Variants in PHLDA1 observed in about 807,000 individuals in gnomAD.
PHLDA1 encodes pleckstrin homology like domain family A member 1.
In PHLDA1, 28 loss-of-function variants were observed where a neutral mutation model predicts 33.8. The observed-to-expected ratio is 0.83, with a 90% confidence interval of 0.61 to 1.14. The LOEUF (loss-of-function observed/expected upper bound fraction) is 1.14, where lower values mean the gene tolerates loss of function less well. Among genes scored for constraint, PHLDA1 ranks in the 50% most tolerant of loss-of-function variants. The pLI is 0.00. For missense variants in PHLDA1, 595 were observed against 548.6 expected, an observed-to-expected ratio of 1.08 and a Z score of -0.84; for synonymous variants, 271 against 243.6, an observed-to-expected ratio of 1.11 and a Z score of -1.05.
chr12:76,027,360 T>C (rs1870796076), exon 2 of PHLDA1: 1 of 152,182 alleles, frequency 6.6e-6, no homozygotes, highest in Admixed American at 6.5e-5. Context: ...ACTTCTAATT[T>C]CTTAGATTTC....
chr12:76,028,197 T>C (rs1304419785), exon 2 of PHLDA1: 2 of 151,534 alleles, frequency 1.3e-5, no homozygotes, highest in Admixed American at 6.5e-5. Context: ...CATACACATA[T>C]ATACATATTC....
chr12:76,030,317 G>GAT (rs1870863435), intron 1 of PHLDA1, among the ~76,000 whole-genome samples, 193 bp downstream of exon 1: 1 of 152,170 alleles, frequency 6.6e-6, no homozygotes, highest in Non-Finnish European at 1.5e-5. Flanking sequence ...GCCTGGCCCG[G>GAT]ATCTCCCCAG....
chr12:76,028,497 A>G (rs1339849265), exon 2 of PHLDA1: 2 of 152,312 alleles, frequency 1.3e-5, no homozygotes, highest in Admixed American at 6.5e-5. Flanking sequence ...TCCTTTCTAG[A>G]TGGAAGGAGA....
Position 76,031,755 on chromosome 12 carries a change from T to C in PHLDA1, c.-14A>G. 1 of 1,351,490 alleles carries C rather than the reference T, an allele frequency of 7.4e-7. No individual in the cohort carries two copies. The highest frequency in any genetic ancestry group is 9.5e-7 in the Non-Finnish European group (1 of 1,047,974). The allele number at this position is 1,351,490 out of a possible 1,614,324, so 83.7% of individuals were successfully genotyped here. On this transcript the variant is annotated 5_prime_UTR_variant, in exon 1 of 2. Coordinates refer to ENST00000266671, the Ensembl canonical transcript of PHLDA1. This position sits in a 1 kb window ranked among gnomAD's most constrained non-coding sequence, Gnocchi z 5.4. ...CGCACGCCTCATTAACTTGGGGCCT[T>C]TCCAAAGCCCGCTGCGTCCACGCCC...
exon 1 of PHLDA1, chr12:76,030,944 G>A: frequency 4.3e-6 from 7 of 1,614,032 alleles, no homozygotes; most frequent in Non-Finnish European, 5.9e-6. Context: ...GGTCTTGCGG[G>A]CACCGAAAGT....
At chr12:76,030,055 A>G in exon 2 of PHLDA1, 1 of 167,826 alleles carries the variant, frequency 6.0e-6, no homozygotes, top group East Asian at 1.6e-4. Flanking sequence ...TGAAGACAAT[A>G]GAAATGTGCT....
At position 76,031,650 on chromosome 12, in the gene PHLDA1, G is replaced by T; in HGVS notation, c.92C>A (p.Thr31Asn). 1 of 1,534,390 alleles carries T rather than the reference G, an allele frequency of 6.5e-7. No homozygotes were observed. The highest frequency in any genetic ancestry group is 1.2e-5 in the South Asian group (1 of 81,456). The change falls in exon 1 of 2, where the codon ACT becomes AAT. Residue 31 changes from threonine to asparagine, a missense_variant. By Grantham distance (65) the Thr-to-Asn change is moderately conservative. This residue lies in a region of PHLDA1 where 263 missense variants were observed against 232.3 expected (regional missense o/e 1.13). Coordinates refer to ENST00000266671, the Ensembl canonical transcript of PHLDA1. This position sits in a 1 kb window ranked among gnomAD's most constrained non-coding sequence, Gnocchi z 5.4. Reference sequence around the variant, plus strand: ...AATGGGCCATCTTCCCCACCCCCGAGTGACACCCAGCGGAAAAGGCGGCTC... The same window carrying T: ...AATGGGCCATCTTCCCCACCCCCGATTGACACCCAGCGGAAAAGGCGGCTC...
chr12:76,030,481 C>A, intron 1 of PHLDA1, 29 bp downstream of exon 1: 1 of 1,579,030 alleles, frequency 6.3e-7, no homozygotes, highest in Non-Finnish European at 8.7e-7. Flanking sequence ...GAGACCCACT[C>A]CTCGGGAGCG....
exon 2 of PHLDA1, chr12:76,027,261 G>C (rs1200400162): frequency 6.6e-6 from 1 of 151,948 alleles, no homozygotes; most frequent in Non-Finnish European, 1.5e-5. Context: ...ATTTTGTTTT[G>C]TTTAGTCTTA....
rs1592589839 is a variant in PHLDA1, at chr12:76,031,009, G to T, written c.733C>A (p.Arg245Ser). The change falls in exon 1 of 2, where the codon CGC (arginine) becomes AGC (serine). Residue 245 changes from arginine to serine, a missense_variant. Physicochemically the swap from Arg to Ser is moderately radical, Grantham distance 110. Transcript: ENST00000266671. This position sits in a 1 kb window ranked among gnomAD's most constrained non-coding sequence, Gnocchi z 5.4. ...GTGAAGTACATGTACTTGCCCTTGC[G>T]CTCCACACAGTCCACGGTCTTCATG... The T allele has an allele frequency of 1.2e-6, 2 of 1,613,344 alleles. No homozygotes were observed. The highest frequency in any genetic ancestry group is 2.2e-5 in the East Asian group (1 of 44,878).
chr12:76,027,054 A>T (rs1379293269), exon 2 of PHLDA1: 2 of 152,190 alleles, frequency 1.3e-5, no homozygotes, highest in Non-Finnish European at 2.9e-5. Flanking sequence ...CATTACTCTT[A>T]ATTTTCCAAC....
Position 76,030,585 on chromosome 12 carries a change from G to T in PHLDA1, c.1157C>A (p.Ser386Ter). The T allele has an allele frequency of 6.2e-7, 1 of 1,613,020 alleles. No individual in the cohort carries two copies. Among genetic ancestry groups the T allele is most frequent in the Non-Finnish European group, 8.5e-7 (1 of 1,179,188 alleles). Residue 386 changes from serine to a stop codon, truncating the protein, a stop_gained, in exon 1 of 2, where the codon TCG becomes TAG. Coordinates refer to ENST00000266671, the Ensembl canonical transcript of PHLDA1. LOFTEE classifies it high-confidence loss of function. ...GAGAAGCCGGTGCCCGTGCGGCTGC[G>T]AGTGCGGCTGTGGGTGTGGGTGCGG...
exon 2 of PHLDA1, chr12:76,029,694 A>T (rs1176353604): frequency 6.6e-6 from 1 of 152,646 alleles, no homozygotes; most frequent in African/African-American, 2.4e-5. Context: ...TTATTCTCCA[A>T]GATTAGGAAT....
At position 76,031,441 on chromosome 12, in the gene PHLDA1, G is replaced by A. The variant is rs569805220; in HGVS notation, c.301C>T (p.Arg101Trp). 3.2e-6 allele frequency: 5 copies of A among 1,540,996 alleles called. No individual in the cohort carries two copies. The African/African-American group carries it at 5.5e-5, about 17-fold the overall frequency. Residue 101 changes from arginine to tryptophan, a missense_variant, in exon 1 of 2, where the codon CGG becomes TGG. Arg to Trp is a moderately radical substitution (Grantham distance 101). Coordinates refer to ENST00000266671, the Ensembl canonical transcript of PHLDA1. The surrounding 1 kb of genome is among the most constrained non-coding windows in gnomAD (Gnocchi z 5.4). ...CAGCGGCTCCCACGGCCGCCTGCCC[G>A]GAGCGCGCAGAGGAGGCTAACACGC...
At chr12:76,028,071 A>G (rs182023361) in exon 2 of PHLDA1, 1 of 152,256 alleles carries the variant, frequency 6.6e-6, no homozygotes, top group East Asian at 1.9e-4. Context: ...TGCATTAAAA[A>G]TATAGTACTA....
At chr12:76,027,336 A>G (rs370302550) in exon 2 of PHLDA1, 4 of 152,216 alleles carry the variant, frequency 2.6e-5, no homozygotes, top group Admixed American at 2.0e-4. Flanking sequence ...TGTCAAAACA[A>G]TAAAAGCCAT....
chr12:76,031,464 C>T lies in PHLDA1; in HGVS notation c.278G>A (p.Arg93His), dbSNP rs903643285. The T allele has an allele frequency of 9.1e-6, 14 of 1,536,330 alleles. No individual in the cohort carries two copies. Among genetic ancestry groups the T allele is most frequent in the Non-Finnish European group, 9.6e-6 (11 of 1,143,178 alleles). The change falls in exon 1 of 2, where the codon CGT becomes CAT. Residue 93 changes from arginine (R) to histidine (H), a missense_variant. Arg to His is a conservative substitution (Grantham distance 29). Coordinates refer to ENST00000266671, the Ensembl canonical transcript of PHLDA1. The surrounding 1 kb of genome is among the most constrained non-coding windows in gnomAD (Gnocchi z 5.4). The stretch of plus-strand genomic sequence containing the variant: ...CCGGAGCGCGCAGAGGAGGCTAACA[C>T]GCAGGAGGCAGAGCGGCGGCGGCGG...
chr12:76,026,160 C>G (rs184178859), exon 2 of PHLDA1: 5 of 152,152 alleles, frequency 3.3e-5, no homozygotes, highest in Admixed American at 6.5e-5. Flanking sequence ...ATAATTTTCA[C>G]GTTTAAAATT....
chr12:76,029,710 C>T (rs1177390087), exon 2 of PHLDA1: 1 of 152,414 alleles, frequency 6.6e-6, no homozygotes, highest in African/African-American at 2.4e-5. Flanking sequence ...GGAATTACTA[C>T]GGATTAGGTT....
Sources: allele counts gnomAD v4.1 joint callset (sites outside exome capture counted in the v4.1 genomes callset), GRCh38; gene constraint gnomAD v4.1.1; regional missense constraint gnomAD v4.1.1; non-coding constraint Gnocchi (gnomAD v3.1); transcripts MANE v1.5; gene names NCBI Gene and HGNC (gene_info 2026-07-23, HGNC 2026-07-21).